The following FRMPD4 variants were observed in gnomAD, a reference collection of about 807,000 sequenced individuals.
The protein encoded by FRMPD4 is FERM and PDZ domain-containing protein 4.
A neutral mutation model predicts 94.1 loss-of-function variants in FRMPD4; 22 were observed. The observed-to-expected ratio is 0.23, with a 90% CI of 0.17 to 0.33. The LOEUF is 0.33. Ranked by LOEUF, FRMPD4 falls within the 10% of genes least tolerant of loss-of-function variation. The pLI is 1.00. For missense variants in FRMPD4, 1,111 were observed against 1,339.9 expected (o/e 0.83, Z 2.67); for synonymous variants, 631 against 548.6 (o/e 1.15, Z -2.10).
intron 1 of FRMPD4, among the ~76,000 whole-genome samples, chrX:12,293,203 G>T (rs1423514626): frequency 1.8e-5 from 2 of 112,232 alleles, no homozygotes; most frequent in Admixed American, 9.5e-5. Context: ...GTGAAAGAAT[G>T]CTAAGAATTA....
intron 3 of FRMPD4, among the ~76,000 whole-genome samples, chrX:12,061,543 T>TA (rs775123781): frequency 9.0e-6 from 1 of 111,648 alleles, no homozygotes; most frequent in African/African-American, 3.2e-5. Flanking sequence ...GTTAGGAAGA[T>TA]ACAGAAATGA....
chrX:12,503,846 A>G (rs1356013306), intron 2 of FRMPD4, among the ~76,000 whole-genome samples: 1 of 112,028 alleles, frequency 8.9e-6, no homozygotes, highest in Non-Finnish European at 1.9e-5. Flanking sequence ...GATTTTTACT[A>G]CAAGATTTCA....
intron 1 of FRMPD4, among the ~76,000 whole-genome samples, chrX:12,185,205 A>T (rs946523396): frequency 4.5e-5 from 5 of 112,064 alleles, no homozygotes; most frequent in Admixed American, 9.4e-5. Flanking sequence ...ATATAAGACT[A>T]GTTCATAACC....
At chrX:12,070,822 T>C (rs2054960991) in intron 3 of FRMPD4, among the ~76,000 whole-genome samples, 2 of 112,495 alleles carry the variant, frequency 1.8e-5, no homozygotes, top group Admixed American at 1.9e-4. Context: ...TTTTCAAAGA[T>C]GAGCTCCAAT....
chrX:12,599,682 A>C (rs1288671946), intron 2 of FRMPD4, among the ~76,000 whole-genome samples: 1 of 111,842 alleles, frequency 8.9e-6, no homozygotes, highest in Non-Finnish European at 1.9e-5. Context: ...GAGCTTTGTG[A>C]TATCAATGAC....
chrX:12,692,957 T>C lies in FRMPD4; in HGVS notation c.814-1378T>C, dbSNP rs186896769. ...CCCTCAGCCAGTGATAAGTAGCCCATAGCCCTCAAGTCTCAGGAATCCACT... is the reference window on the plus strand; with the variant it reads ...CCCTCAGCCAGTGATAAGTAGCCCACAGCCCTCAAGTCTCAGGAATCCACT... On this transcript the variant is annotated intron_variant, in intron 8 of 16. Coordinates refer to ENST00000675598, the MANE Select transcript of FRMPD4 (RefSeq NM_001368397.1). 6.3e-3 allele frequency among the ~76,000 whole-genome samples: 699 copies of C among 111,526 alleles called. 4 individuals carry two copies. The highest frequency in any genetic ancestry group is 0.021 in the African/African-American group (630 of 30,669).
At chrX:12,419,127 G>A (rs1460425050) in intron 1 of FRMPD4, among the ~76,000 whole-genome samples, 1 of 111,478 alleles carries the variant, frequency 9.0e-6, no homozygotes, top group Non-Finnish European at 1.9e-5. Flanking sequence ...TATCTTGCAG[G>A]GAAAGTAGAA....
intron 1 of FRMPD4, among the ~76,000 whole-genome samples, chrX:12,167,137 G>A (rs1051437683): frequency 5.4e-5 from 6 of 111,414 alleles, no homozygotes; most frequent in African/African-American, 2.0e-4. Context: ...TCTTTTAATT[G>A]TGATGTTAGG....
chrX:12,543,107 T>G (rs1474851872), intron 2 of FRMPD4, among the ~76,000 whole-genome samples: 4 of 111,558 alleles, frequency 3.6e-5, no homozygotes, highest in Non-Finnish European at 7.5e-5. Context: ...ATTAAAGACT[T>G]ACATGTTAGA....
Position 12,722,807 on chromosome X carries a change from A to T in FRMPD4, c.*949A>T, listed in dbSNP as rs979038094. ...TTAGTAAAGTATTTGCAAACTTAAA[A>T]AAAGGAACATTTAATGATCATCAAA... On this transcript the variant is annotated 3_prime_UTR_variant, in exon 17 of 17. Transcript: ENST00000675598. 3.1e-4 allele frequency: 35 copies of T among 111,836 alleles called. No homozygotes were observed. The highest frequency in any genetic ancestry group is 1.1e-3 in the African/African-American group (34 of 30,769). 9.2% of individuals were successfully genotyped at this position (111,836 alleles called of 1,213,427 possible). A position where few individuals can be genotyped will look rare whatever the true frequency, so the allele number is the denominator to read the frequency against.
At position 12,498,753 on chromosome X, in the gene FRMPD4, TG is replaced by T; in HGVS notation, c.118del (p.Glu40ArgfsTer2). 8.4e-7 allele frequency: 1 copy of T among 1,195,132 alleles called. No homozygotes were observed. Among genetic ancestry groups the T allele is most frequent in the Non-Finnish European group, 1.1e-6 (1 of 882,976 alleles). On this transcript the variant is annotated frameshift_variant, in exon 2 of 17. Transcript: ENST00000675598. LOFTEE classifies it high-confidence loss of function. ...CTTGAGCCAGGTGCCGCCCTATGGA[TG>T]GGAGATGACGGCAAACCGAGATGGG... ...WGLSQVPPYG[W>X]EMTANRDGRD...
At chrX:12,045,080 T>A (rs952246949) in intron 3 of FRMPD4, among the ~76,000 whole-genome samples, 1 of 112,258 alleles carries the variant, frequency 8.9e-6, no homozygotes, top group African/African-American at 3.2e-5. Context: ...GAATATTTAT[T>A]GACATTTGGA....
intron 1 of FRMPD4, among the ~76,000 whole-genome samples, chrX:12,424,722 C>T (rs962227279): frequency 8.9e-6 from 1 of 112,685 alleles, no homozygotes; most frequent in Non-Finnish European, 1.9e-5. Context: ...CCAAATGCTC[C>T]GGTCTCTCCA....
chrX:12,216,397 TC>T (rs1291194352), intron 1 of FRMPD4, among the ~76,000 whole-genome samples: 11 of 111,929 alleles, frequency 9.8e-5, no homozygotes, highest in African/African-American at 3.3e-4. Context: ...AGCTGTTGCA[TC>T]TTTTTTGACT....
chrX:12,486,940 A>G (rs769904626), intron 1 of FRMPD4, among the ~76,000 whole-genome samples: 23 of 112,212 alleles, frequency 2.0e-4, no homozygotes, highest in Non-Finnish European at 4.1e-4. Context: ...GATGAAAACT[A>G]AGAAACCCTA....
intron 1 of FRMPD4, among the ~76,000 whole-genome samples, chrX:12,422,017 G>A (rs1284640559): frequency 3.6e-5 from 4 of 112,159 alleles, no homozygotes. Flanking sequence ...TGAAAACAGG[G>A]TGTAAAACAT....
Position 12,573,491 on chromosome X carries a change from G to C in FRMPD4, c.159-36230G>C, listed in dbSNP as rs756602766. ...TCAGAGACCAAGTCCCCAAAACTGT[G>C]ATTGCTTCTTAAAGACTAAATTCAT... On this transcript the variant is annotated intron_variant, in intron 2 of 16. Transcript: ENST00000675598. 1.2e-4 allele frequency among the ~76,000 whole-genome samples: 13 copies of C among 112,302 alleles called. No individual in the cohort carries two copies. In the East Asian group the frequency reaches 3.6e-3, roughly 31 times the overall value.
intron 2 of FRMPD4, among the ~76,000 whole-genome samples, chrX:12,600,375 C>A (rs1305538103): frequency 1.8e-5 from 2 of 112,178 alleles, no homozygotes; most frequent in Non-Finnish European, 3.8e-5. Flanking sequence ...TGAAATGCTT[C>A]ATTTGGAAGA....
At chrX:12,401,477 T>C (rs1032503085) in intron 1 of FRMPD4, among the ~76,000 whole-genome samples, 1 of 111,579 alleles carries the variant, frequency 9.0e-6, no homozygotes, top group Non-Finnish European at 1.9e-5. Flanking sequence ...TTTTGGCTTG[T>C]GTTGCTCCCC....
Sources: gnomAD v4.1 joint callset for allele counts (sites outside exome capture counted in the v4.1 genomes callset) on GRCh38, gnomAD v4.1.1 for gene constraint, MANE v1.5 for transcripts, NCBI Gene and HGNC (gene_info 2026-07-23, HGNC 2026-07-21) for gene names.